RNLS: variants seen among roughly 807,000 people sequenced by gnomAD.
RNLS encodes renalase.
A neutral mutation model predicts 39.8 loss-of-function variants in RNLS; 39 were observed. The observed-to-expected ratio is 0.98, with a 90% confidence interval of 0.76 to 1.28. RNLS has a LOEUF of 1.28. RNLS is among the 50% of genes most tolerant of loss of function. The probability of loss-of-function intolerance (pLI) is 0.00; values close to 1 mark genes in which losing one functional copy is unlikely to be tolerated. For missense variants in RNLS, 410 were observed against 413.3 expected, an observed-to-expected ratio of 0.99 and a Z score of 0.07; for synonymous variants, 147 against 150.7, an observed-to-expected ratio of 0.98 and a Z score of 0.18.
chr10:88,485,792 T>C (rs1844471968), intron 4 of RNLS, among the ~76,000 whole-genome samples: 1 of 151,892 alleles, frequency 6.6e-6, no homozygotes. Flanking sequence ...AATAGAGACA[T>C]AAAGAAAGAG....
At chr10:88,423,351 G>A (rs182060285) in intron 4 of RNLS, among the ~76,000 whole-genome samples, 1 of 152,144 alleles carries the variant, frequency 6.6e-6, no homozygotes, top group Non-Finnish European at 1.5e-5. Flanking sequence ...TGTTCATTTG[G>A]ACCCAGAAGT....
At chr10:88,330,780 G>A (rs1847058996) in intron 5 of RNLS, among the ~76,000 whole-genome samples, 1 of 151,892 alleles carries the variant, frequency 6.6e-6, no homozygotes, top group South Asian at 2.1e-4. Flanking sequence ...ACAAAATGAC[G>A]CTAAAGGTAA....
chr10:88,217,419 T>C, the RNLS span, among the ~76,000 whole-genome samples: 1 of 152,128 alleles, frequency 6.6e-6, no homozygotes, highest in Non-Finnish European at 1.5e-5. Flanking sequence ...AAATGAAAGA[T>C]CACAACCTTC....
rs910133821 is a variant in RNLS at position 88,508,960 on chromosome 10, A to G, written c.526+63943T>C. Among the ~76,000 whole-genome samples, 4 of 150,196 alleles carry G rather than the reference A, an allele frequency of 2.7e-5. No homozygotes were observed. In the Admixed American group the frequency reaches 2.7e-4, roughly 10 times the overall value. On this transcript the variant is annotated intron_variant, in intron 4 of 6. Transcript: ENST00000331772. Reference sequence around the variant, plus strand: ...ATTTTTCCCTGCATCCTGGAATACAATCATTTTAGAATGACTACTTTTTCT... The same window carrying G: ...ATTTTTCCCTGCATCCTGGAATACAGTCATTTTAGAATGACTACTTTTTCT...
intron 4 of RNLS, among the ~76,000 whole-genome samples, chr10:88,448,391 A>G (rs1842169955): frequency 1.3e-5 from 2 of 152,224 alleles, no homozygotes; most frequent in African/African-American, 2.4e-5. Context: ...CAACAGACAC[A>G]TGAAAAAATG....
intron 4 of RNLS, among the ~76,000 whole-genome samples, chr10:88,565,990 G>A (rs1284101686): frequency 1.3e-5 from 2 of 151,392 alleles, no homozygotes; most frequent in African/African-American, 4.9e-5. Context: ...CTCGTGATCC[G>A]CCCACCTCAG....
chr10:88,210,416 T>C, the RNLS span, among the ~76,000 whole-genome samples: 1 of 151,996 alleles, frequency 6.6e-6, no homozygotes, highest in Non-Finnish European at 1.5e-5. Flanking sequence ...TAGTTTAATA[T>C]TATAATCCAA....
At chr10:88,564,316 TAC>T (rs5786827) in intron 4 of RNLS, among the ~76,000 whole-genome samples, 6,109 of 148,906 alleles carry the variant, frequency 0.041, 169 homozygotes, top group African/African-American at 0.07. Context: ...TGACTGCAAA[TAC>T]ACACACACAC....
At chr10:88,227,039 A>G in the RNLS span, among the ~76,000 whole-genome samples, 4 of 152,180 alleles carry the variant, frequency 2.6e-5, no homozygotes, top group Non-Finnish European at 5.9e-5. Context: ...GTAGAACACA[A>G]TCATGCCCAT....
At chr10:88,553,337 A>C (rs926938476) in intron 4 of RNLS, among the ~76,000 whole-genome samples, 1 of 152,178 alleles carries the variant, frequency 6.6e-6, no homozygotes, top group African/African-American at 2.4e-5. Context: ...ATTGGCTTTC[A>C]GAAGAACATT....
At chr10:88,388,404 T>C (rs1851995127) in intron 4 of RNLS, among the ~76,000 whole-genome samples, 1 of 152,246 alleles carries the variant, frequency 6.6e-6, no homozygotes, top group South Asian at 2.1e-4. Flanking sequence ...TATGCCATCC[T>C]GCTTAAAACA....
At chr10:88,182,131 A>G in the RNLS span, among the ~76,000 whole-genome samples, 1 of 152,100 alleles carries the variant, frequency 6.6e-6, no homozygotes, top group Non-Finnish European at 1.5e-5. Flanking sequence ...TATACATTAG[A>G]GTTGGTGAGA....
chr10:88,224,374 T>G, the RNLS span, among the ~76,000 whole-genome samples: 1 of 152,178 alleles, frequency 6.6e-6, no homozygotes, highest in East Asian at 1.9e-4. Flanking sequence ...AAGTGAAATT[T>G]GGAGGACGCA....
chr10:88,172,200 T>C, the RNLS span, among the ~76,000 whole-genome samples: 2 of 152,222 alleles, frequency 1.3e-5, no homozygotes, highest in African/African-American at 2.4e-5. Flanking sequence ...AGTAGTGGAA[T>C]TGTTGAATGA....
chr10:88,305,980 C>G (rs150431308), intron 6 of RNLS, among the ~76,000 whole-genome samples: 1 of 152,188 alleles, frequency 6.6e-6, no homozygotes, highest in Admixed American at 6.5e-5. Flanking sequence ...CAAACAATCT[C>G]TCAGACCACA....
At chr10:88,200,200 T>C in the RNLS span, among the ~76,000 whole-genome samples, 1 of 152,200 alleles carries the variant, frequency 6.6e-6, no homozygotes, top group African/African-American at 2.4e-5. Context: ...GAATATTACA[T>C]CCACAATGGC....
intron 4 of RNLS, among the ~76,000 whole-genome samples, chr10:88,486,785 T>C (rs904346595): frequency 8.5e-5 from 13 of 152,144 alleles, no homozygotes; most frequent in Admixed American, 6.6e-4. Context: ...AGTTCAACCA[T>C]TGTAGAAGAC....
At chr10:88,499,926 G>C (rs905779328) in intron 4 of RNLS, among the ~76,000 whole-genome samples, 15 of 152,154 alleles carry the variant, frequency 9.9e-5, no homozygotes, top group African/African-American at 3.6e-4. Flanking sequence ...AAGAGGGTAA[G>C]CAATACTTTT....
chr10:88,524,998 T>TATATATATATATATATATATATAC (rs1554919255), intron 4 of RNLS, among the ~76,000 whole-genome samples: 1 of 104,472 alleles, frequency 9.6e-6, no homozygotes, highest in African/African-American at 3.5e-5. Context: ...TATATATATA[T>TATATATATATATATATATATATAC]ACACACACAC....
Sources: allele counts gnomAD v4.1 joint callset (sites outside exome capture counted in the v4.1 genomes callset), GRCh38; gene constraint gnomAD v4.1.1; transcripts MANE v1.5; gene names NCBI Gene and HGNC (gene_info 2026-07-23, HGNC 2026-07-21).